SLC24A2: variants seen among roughly 807,000 people sequenced by gnomAD.
SLC24A2 encodes the protein solute carrier family 24 member 2, also known as sodium/potassium/calcium exchanger 2.
In SLC24A2, 36 loss-of-function variants were observed where a neutral mutation model predicts 62.0. The ratio of observed to expected loss-of-function variants is 0.58; its 90% CI spans 0.44 to 0.77. SLC24A2 has a LOEUF of 0.77. SLC24A2 is among the 30% of genes least tolerant of loss of function. The pLI, the probability that SLC24A2 is intolerant of heterozygous loss-of-function variation, is 0.00. For missense variants in SLC24A2, 846 were observed against 817.9 expected (o/e 1.03, Z -0.42); for synonymous variants, 358 against 294.0 (o/e 1.22, Z -2.23).
At chr9:19,773,844 G>A (rs569965325) in intron 2 of SLC24A2, among the ~76,000 whole-genome samples, 16 of 152,310 alleles carry the variant, frequency 1.1e-4, no homozygotes, top group Middle Eastern at 3.4e-3. Context: ...TTTATAGGGT[G>A]GCAAGAAGAG....
chr9:19,937,603 T>G, the SLC24A2 span, among the ~76,000 whole-genome samples: 1 of 152,246 alleles, frequency 6.6e-6, no homozygotes, highest in African/African-American at 2.4e-5. Context: ...TTTAAAACTA[T>G]ACTTTCTAAT....
the SLC24A2 span, among the ~76,000 whole-genome samples, chr9:20,218,391 C>G: frequency 6.6e-6 from 1 of 152,092 alleles, no homozygotes; most frequent in African/African-American, 2.4e-5. Flanking sequence ...GTGCTCCATC[C>G]AACCAGTCTG....
chr9:20,188,639 G>C, the SLC24A2 span, among the ~76,000 whole-genome samples: 2 of 152,170 alleles, frequency 1.3e-5, no homozygotes, highest in African/African-American at 4.8e-5. Flanking sequence ...GTCCTTACAA[G>C]AGGGAGGCAG....
chr9:19,653,654 CT>C (rs1818862316), intron 2 of SLC24A2, among the ~76,000 whole-genome samples: 3 of 152,174 alleles, frequency 2.0e-5, no homozygotes, highest in Admixed American at 6.5e-5. Flanking sequence ...TGAGTTTAGA[CT>C]TTTATTCCAA....
the SLC24A2 span, among the ~76,000 whole-genome samples, chr9:19,955,536 G>A: frequency 6.6e-6 from 1 of 151,990 alleles, no homozygotes; most frequent in South Asian, 2.1e-4. Context: ...TACTTTTGTA[G>A]ACAAGATACT....
At chr9:20,011,108 C>A in the SLC24A2 span, among the ~76,000 whole-genome samples, 2 of 152,036 alleles carry the variant, frequency 1.3e-5, no homozygotes, top group Non-Finnish European at 2.9e-5. Context: ...GATTTATAAT[C>A]CTTTGGGTAT....
the SLC24A2 span, among the ~76,000 whole-genome samples, chr9:20,148,932 G>A: frequency 6.6e-6 from 1 of 152,070 alleles, no homozygotes; most frequent in Non-Finnish European, 1.5e-5. Flanking sequence ...AATCACAGTT[G>A]TAAGTGAAAT....
At chr9:20,095,423 A>G in the SLC24A2 span, among the ~76,000 whole-genome samples, 1 of 152,230 alleles carries the variant, frequency 6.6e-6, no homozygotes, top group Admixed American at 6.5e-5. Flanking sequence ...TAATATTTAA[A>G]TAAGTAGACT....
At chr9:20,157,412 T>C in the SLC24A2 span, among the ~76,000 whole-genome samples, 31 of 151,794 alleles carry the variant, frequency 2.0e-4, no homozygotes, top group Admixed American at 1.8e-3. Flanking sequence ...GACTCTGTCT[T>C]TGAGAGACTT....
chr9:20,190,262 C>T, the SLC24A2 span, among the ~76,000 whole-genome samples: 1 of 152,162 alleles, frequency 6.6e-6, no homozygotes, highest in African/African-American at 2.4e-5. Flanking sequence ...GGGCAGTCCT[C>T]AGGGAAACTG....
chr9:19,861,397 T>C, the SLC24A2 span, among the ~76,000 whole-genome samples: 10 of 152,332 alleles, frequency 6.6e-5, no homozygotes, highest in African/African-American at 2.4e-4. Context: ...GGGTCCACCC[T>C]AAATCAGATA....
At chr9:19,529,365 G>A (rs541163073) in intron 8 of SLC24A2, among the ~76,000 whole-genome samples, 16 of 152,286 alleles carry the variant, frequency 1.1e-4, no homozygotes, top group African/African-American at 3.4e-4. Context: ...TATCAATAAT[G>A]ATGAACACAG....
chr9:19,982,519 A>T, the SLC24A2 span, among the ~76,000 whole-genome samples: 2 of 152,206 alleles, frequency 1.3e-5, no homozygotes, highest in South Asian at 4.1e-4. Flanking sequence ...TAAAAGGAAG[A>T]ATAGACTGGA....
the SLC24A2 span, among the ~76,000 whole-genome samples, chr9:20,090,487 G>A: frequency 6.6e-6 from 1 of 152,048 alleles, no homozygotes; most frequent in African/African-American, 2.4e-5. Flanking sequence ...AAATATAGGG[G>A]TATAGGGGAG....
chr9:19,524,839 A>T (rs1343051871), intron 9 of SLC24A2, among the ~76,000 whole-genome samples: 1 of 152,240 alleles, frequency 6.6e-6, no homozygotes, highest in Non-Finnish European at 1.5e-5. Flanking sequence ...GTAATCATTA[A>T]AAAGAAAAAG....
chr9:19,815,959 CTTT>C, the SLC24A2 span, among the ~76,000 whole-genome samples: 61 of 103,456 alleles, frequency 5.9e-4, no homozygotes, highest in African/African-American at 1.7e-3. Context: ...TTTTTTGCCC[CTTT>C]TTTTTTTTTT....
chr9:20,172,792 C>G, the SLC24A2 span, among the ~76,000 whole-genome samples: 11 of 152,050 alleles, frequency 7.2e-5, no homozygotes, highest in Non-Finnish European at 1.3e-4. Context: ...GGTACCAATC[C>G]TATTGACACT....
chr9:19,684,117 G>C (rs1027419755), intron 2 of SLC24A2, among the ~76,000 whole-genome samples: 1 of 152,112 alleles, frequency 6.6e-6, no homozygotes, highest in African/African-American at 2.4e-5. Flanking sequence ...GGAACTGATG[G>C]GCAATCTTTT....
the SLC24A2 span, among the ~76,000 whole-genome samples, chr9:19,887,403 C>G: frequency 6.6e-6 from 1 of 151,900 alleles, no homozygotes; most frequent in Non-Finnish European, 1.5e-5. Flanking sequence ...GATGAATGGG[C>G]AATTCTCAAA....
Sources: gnomAD v4.1 joint callset for allele counts (sites outside exome capture counted in the v4.1 genomes callset) on GRCh38, gnomAD v4.1.1 for gene constraint, MANE v1.5 for transcripts, NCBI Gene and HGNC (gene_info 2026-07-23, HGNC 2026-07-21) for gene names.